The following NALF1 variants were observed in gnomAD, a reference collection of about 807,000 sequenced individuals.
NALF1 encodes family with sequence similarity 155 member A.
In NALF1, 3 loss-of-function variants were observed where a neutral mutation model predicts 48.4. The observed-to-expected ratio is 0.06, with a 90% confidence interval of 0.03 to 0.16. NALF1 has a LOEUF of 0.16. NALF1 is among the 10% of genes least tolerant of loss of function. The pLI is 1.00. For synonymous variants in NALF1, 262 were observed against 245.7 expected (o/e 1.07, Z -0.62); for missense variants, 526 against 571.5 (o/e 0.92, Z 0.81).
intron 1 of NALF1, among the ~76,000 whole-genome samples, chr13:107,657,397 A>G (rs1363449736): frequency 6.6e-6 from 1 of 151,818 alleles, no homozygotes; most frequent in African/African-American, 2.4e-5. Flanking sequence ...CTGTTCAACT[A>G]TTTTCTTGCT....
chr13:107,340,113 C>A (rs1356482317), intron 1 of NALF1, among the ~76,000 whole-genome samples: 2 of 151,836 alleles, frequency 1.3e-5, no homozygotes, highest in African/African-American at 4.8e-5. Context: ...TCATGCTCAA[C>A]TGTTATTCCT....
intron 1 of NALF1, among the ~76,000 whole-genome samples, chr13:107,488,443 T>C (rs2391483): frequency 1 from 151,599 of 152,214 alleles, 75,497 homozygotes; most frequent in East Asian, 1. Context: ...ACTGTCTTAG[T>C]TGTGTTCCAG....
intron 1 of NALF1, among the ~76,000 whole-genome samples, chr13:107,305,656 C>G (rs947081266): frequency 3.9e-5 from 6 of 152,122 alleles, no homozygotes; most frequent in African/African-American, 1.4e-4. Context: ...TCATTGAATA[C>G]TATACAGCCA....
At chr13:107,286,190 GAAGTTTGA>G (rs1406677099) in intron 1 of NALF1, among the ~76,000 whole-genome samples, 9 of 152,134 alleles carry the variant, frequency 5.9e-5, no homozygotes, top group African/African-American at 2.2e-4. Context: ...CGGCTGTAAA[GAAGTTTGA>G]AAATTCCTGC....
intron 1 of NALF1, among the ~76,000 whole-genome samples, chr13:107,566,676 C>T (rs80010838): frequency 0.018 from 2,693 of 152,298 alleles, 85 homozygotes; most frequent in African/African-American, 0.061. Context: ...CTTTTATTTG[C>T]ATACCATTGA....
intron 2 of NALF1, among the ~76,000 whole-genome samples, chr13:107,206,360 A>G (rs1879640671): frequency 6.6e-6 from 1 of 152,200 alleles, no homozygotes; most frequent in African/African-American, 2.4e-5. Context: ...ATCCTCAATC[A>G]AAAGCATTCT....
At chr13:107,463,078 G>A (rs1395229698) in intron 1 of NALF1, among the ~76,000 whole-genome samples, 1 of 152,142 alleles carries the variant, frequency 6.6e-6, no homozygotes, top group African/African-American at 2.4e-5. Context: ...GTCAGAAGAT[G>A]TATGGTCTGA....
chr13:107,228,273 CA>C (rs1463270175), intron 1 of NALF1, among the ~76,000 whole-genome samples: 2 of 152,212 alleles, frequency 1.3e-5, no homozygotes, highest in East Asian at 3.9e-4. Flanking sequence ...GCCAAATTGA[CA>C]GTCTAATTCA....
At chr13:107,700,561 T>C (rs548272746) in intron 1 of NALF1, among the ~76,000 whole-genome samples, 236 of 152,160 alleles carry the variant, frequency 1.6e-3, no homozygotes, top group African/African-American at 5.2e-3. Context: ...CTCCTTGACA[T>C]TGGCCTTGGC....
At position 107,665,770 on chromosome 13, in the gene NALF1, A is replaced by C. The variant is rs1294059135; in HGVS notation, c.915+199912T>G. 2.0e-5 allele frequency among the ~76,000 whole-genome samples: 3 copies of C among 152,152 alleles called. No homozygotes were observed. In the East Asian group the frequency reaches 5.8e-4, roughly 29 times the overall value. On this transcript the variant is annotated intron_variant, in intron 1 of 2. Transcript: ENST00000375915. ...ACCGAATAATATGAGGGGACTTCAA[A>C]AAGTTTATGAAAAATAAAATTAAAA... is the stretch of plus-strand genomic sequence containing the variant.
intron 1 of NALF1, among the ~76,000 whole-genome samples, chr13:107,275,245 TA>T (rs889129307): frequency 7.9e-5 from 12 of 152,332 alleles, no homozygotes; most frequent in Admixed American, 2.6e-4. Flanking sequence ...AAAGTATCTA[TA>T]TTTTTTTATT....
chr13:107,682,222 T>G (rs1566442221), intron 1 of NALF1, among the ~76,000 whole-genome samples: 1 of 152,208 alleles, frequency 6.6e-6, no homozygotes, highest in Non-Finnish European at 1.5e-5. Flanking sequence ...GTTGCCTTCA[T>G]TTTGAGAAGA....
chr13:107,204,137 G>A (rs776578666), intron 2 of NALF1, among the ~76,000 whole-genome samples: 3 of 133,744 alleles, frequency 2.2e-5, no homozygotes, highest in Non-Finnish European at 3.4e-5. Context: ...GCTCTCCAAC[G>A]AGCATCACCC....
intron 1 of NALF1, among the ~76,000 whole-genome samples, chr13:107,234,377 G>T (rs961496664): frequency 1.3e-5 from 2 of 152,206 alleles, no homozygotes; most frequent in African/African-American, 4.8e-5. Flanking sequence ...AGCAGATTCT[G>T]TGACAAACAG....
chr13:107,403,891 T>C (rs941543365), intron 1 of NALF1, among the ~76,000 whole-genome samples: 8 of 152,084 alleles, frequency 5.3e-5, no homozygotes, highest in Admixed American at 1.3e-4. Context: ...TGGAAAAGAA[T>C]AAAAGGGAGG....
chr13:107,718,502 T>C (rs1875888289), intron 1 of NALF1, among the ~76,000 whole-genome samples: 1 of 152,158 alleles, frequency 6.6e-6, no homozygotes, highest in Non-Finnish European at 1.5e-5. Flanking sequence ...TCATCTCAGC[T>C]TGGCTTGAGC....
intron 1 of NALF1, among the ~76,000 whole-genome samples, chr13:107,623,466 T>C (rs1879586315): frequency 6.6e-6 from 1 of 151,702 alleles, no homozygotes; most frequent in Admixed American, 6.6e-5. Context: ...AAAATATTAC[T>C]CCCCCTGAGC....
intron 1 of NALF1, among the ~76,000 whole-genome samples, chr13:107,590,583 G>C (rs535411116): frequency 6.6e-6 from 1 of 152,046 alleles, no homozygotes; most frequent in East Asian, 1.9e-4. Context: ...ATTTAGAACA[G>C]AGAAGAGTTT....
At chr13:107,410,918 C>A (rs377044009) in intron 1 of NALF1, among the ~76,000 whole-genome samples, 1 of 152,130 alleles carries the variant, frequency 6.6e-6, no homozygotes, top group African/African-American at 2.4e-5. Flanking sequence ...ATGCCCAGTT[C>A]ACGGGAGTTC....
Sources: allele counts gnomAD v4.1 joint callset (sites outside exome capture counted in the v4.1 genomes callset), GRCh38; gene constraint gnomAD v4.1.1; transcripts MANE v1.5; gene names NCBI Gene and HGNC (gene_info 2026-07-23, HGNC 2026-07-21).